BORCS5: variants seen among roughly 807,000 people sequenced by gnomAD.
The protein encoded by BORCS5 is BLOC-1-related complex subunit 5.
BORCS5 carries 17 observed loss-of-function variants against 22.1 expected under a neutral mutation model. The ratio of observed to expected loss-of-function variants is 0.77; its 90% CI spans 0.53 to 1.15. The LOEUF (loss-of-function observed/expected upper bound fraction) is 1.15. BORCS5 is among the 50% of genes most tolerant of loss of function. The pLI is 0.00. For missense variants in BORCS5, 247 were observed against 253.2 expected (o/e 0.98, Z 0.17); for synonymous variants, 117 against 99.8 (o/e 1.17, Z -1.03).
intron 2 of BORCS5, among the ~76,000 whole-genome samples, chr12:12,398,558 C>T (rs1941401411): frequency 6.6e-6 from 1 of 152,132 alleles, no homozygotes; most frequent in Admixed American, 6.5e-5. Context: ...GTTGTGTAAC[C>T]ATCTTGACTC....
intron 2 of BORCS5, among the ~76,000 whole-genome samples, chr12:12,410,385 TC>T (rs1309496151): frequency 6.6e-6 from 1 of 151,488 alleles, no homozygotes; most frequent in Non-Finnish European, 1.5e-5. Flanking sequence ...CTTTAATCCA[TC>T]TTGAATTAGT....
intron 2 of BORCS5, among the ~76,000 whole-genome samples, chr12:12,422,240 G>GT (rs978082075): frequency 6.6e-6 from 1 of 151,852 alleles, no homozygotes; most frequent in African/African-American, 2.4e-5. Flanking sequence ...TCCTAACGTG[G>GT]TAACACAATA....
intron 2 of BORCS5, among the ~76,000 whole-genome samples, chr12:12,379,546 G>C (rs1411897488): frequency 6.6e-6 from 1 of 151,398 alleles, no homozygotes; most frequent in Non-Finnish European, 1.5e-5. Context: ...TGAGAGGTCG[G>C]ATGTCAACAG....
At chr12:12,424,866 G>T (rs1942238966) in intron 2 of BORCS5, among the ~76,000 whole-genome samples, 1 of 152,044 alleles carries the variant, frequency 6.6e-6, no homozygotes, top group African/African-American at 2.4e-5. Flanking sequence ...TGAATATCCT[G>T]GTCTTTAATG....
chr12:12,451,735 TAAAAGTAC>T (rs1942912753), intron 3 of BORCS5, among the ~76,000 whole-genome samples: 1 of 95,078 alleles, frequency 1.1e-5, no homozygotes, highest in African/African-American at 6.0e-5. Context: ...CTAAAAATAC[TAAAAGTAC>T]TTTTTTTGTA....
chr12:12,391,326 T>G (rs1941177518), intron 2 of BORCS5, among the ~76,000 whole-genome samples: 1 of 151,950 alleles, frequency 6.6e-6, no homozygotes, highest in African/African-American at 2.4e-5. Flanking sequence ...TCAATCACAT[T>G]GGTAGGTGGT....
intron 2 of BORCS5, among the ~76,000 whole-genome samples, chr12:12,398,238 A>G (rs1941395082): frequency 6.6e-6 from 1 of 152,204 alleles, no homozygotes. Flanking sequence ...ACATCACTAA[A>G]TAAGAATGAG....
chr12:12,463,039 A>G (rs888420916), intron 3 of BORCS5, among the ~76,000 whole-genome samples: 1 of 152,198 alleles, frequency 6.6e-6, no homozygotes, highest in African/African-American at 2.4e-5. Context: ...CAATTAGTAT[A>G]TATGTTATCT....
rs1863164987 is a variant in BORCS5 at position 12,357,384 on chromosome 12, C to T, written c.-68C>T. The T allele has an allele frequency of 2.5e-6, 4 of 1,571,468 alleles. No homozygotes were observed. Among genetic ancestry groups the T allele is most frequent in the African/African-American group, 1.4e-5 (1 of 74,028 alleles). Reference sequence around the variant, plus strand: ...CCCGTCCCGGTCCCTGGCCCCTGCCCTGTCGCCCGCCGCCGGAGCGGTGAC... The same window carrying T: ...CCCGTCCCGGTCCCTGGCCCCTGCCTTGTCGCCCGCCGCCGGAGCGGTGAC... On this transcript the variant is annotated 5_prime_UTR_variant, in exon 1 of 4. Coordinates refer to ENST00000314565, the MANE Select transcript of BORCS5 (RefSeq NM_058169.6).
chr12:12,441,722 T>A (rs375052551), intron 3 of BORCS5, among the ~76,000 whole-genome samples: 1,897 of 30,930 alleles, frequency 0.061, 15 homozygotes, highest in Non-Finnish European at 0.1. Context: ...AAAAAAAAAT[T>A]TTTTTTTTTT....
chr12:12,469,216 C>T lies in BORCS5; in HGVS notation c.*3440C>T, dbSNP rs1318543254. On this transcript the variant is annotated 3_prime_UTR_variant, in exon 4 of 4. Transcript: ENST00000314565. ...AAAAAAAATACAGAAATTACCCGGGCATGGTGGCTGGTGCCTGTAATCCCC... is the reference window on the plus strand; with the variant it reads ...AAAAAAAATACAGAAATTACCCGGGTATGGTGGCTGGTGCCTGTAATCCCC... 6.6e-6 allele frequency: 1 copy of T among 152,196 alleles called. No individual in the cohort carries two copies. The highest frequency in any genetic ancestry group is 1.9e-4 in the East Asian group (1 of 5,180). 9.4% of individuals were successfully genotyped at this position (152,196 alleles called of 1,614,324 possible).
chr12:12,365,480 C>A (rs551310256), intron 2 of BORCS5, among the ~76,000 whole-genome samples: 1 of 151,908 alleles, frequency 6.6e-6, no homozygotes, highest in African/African-American at 2.4e-5. Context: ...ATGCCCGGCC[C>A]GAGTTTCAAA....
chr12:12,389,135 CTTTTTTT>C (rs10630444), intron 2 of BORCS5, among the ~76,000 whole-genome samples: 2 of 117,878 alleles, frequency 1.7e-5, no homozygotes, highest in Admixed American at 9.2e-5. Context: ...CAAGTAAGTA[CTTTTTTT>C]TTTTTTTTTT....
In BORCS5 at chr12:12,467,204, C is replaced by G. The variant is rs1943218137; in HGVS notation, c.*1428C>G. On this transcript the variant is annotated 3_prime_UTR_variant, in exon 4 of 4. Coordinates refer to ENST00000314565, the MANE Select transcript of BORCS5 (RefSeq NM_058169.6). The stretch of plus-strand genomic sequence containing the variant: ...AAAAAGTGGTATATTTAAGACATCA[C>G]CATCATTGTCTTTCTTCTGGAGTAT... 6.6e-6 allele frequency: 1 copy of G among 152,226 alleles called. No individual in the cohort carries two copies. The highest frequency in any genetic ancestry group is 2.4e-5 in the African/African-American group (1 of 41,446). The allele number at this position is 152,226 out of a possible 1,614,324, so 9.4% of individuals were successfully genotyped here. A position where few individuals can be genotyped will look rare whatever the true frequency, so the allele number is the denominator to read the frequency against.
intron 2 of BORCS5, among the ~76,000 whole-genome samples, chr12:12,427,295 C>T (rs1318529892): frequency 2.0e-5 from 3 of 151,380 alleles, no homozygotes; most frequent in African/African-American, 4.9e-5. Flanking sequence ...TTTCTTCTGC[C>T]TCAGCCTCCC....
At position 12,467,144 on chromosome 12, in the gene BORCS5, C is replaced by T. The variant is rs1382354652; in HGVS notation, c.*1368C>T. ...CATTTTCAAATTCAAAAGAATAATA[C>T]AATGAATATTCATATTTCTTTCACC... is the stretch of plus-strand genomic sequence containing the variant. On this transcript the variant is annotated 3_prime_UTR_variant, in exon 4 of 4. Transcript: ENST00000314565. The T allele has an allele frequency of 1.3e-5, 2 of 152,110 alleles. No individual in the cohort carries two copies. The highest frequency in any genetic ancestry group is 2.9e-5 in the Non-Finnish European group (2 of 68,022). 9.4% of individuals were successfully genotyped at this position (152,110 alleles called of 1,614,324 possible).
chr12:12,386,354 T>C (rs1338977764), intron 2 of BORCS5, among the ~76,000 whole-genome samples: 2 of 151,142 alleles, frequency 1.3e-5, no homozygotes, highest in East Asian at 3.8e-4. Flanking sequence ...GTTGTCTTGC[T>C]GTTTTATATA....
chr12:12,388,802 A>G (rs1213489325), intron 2 of BORCS5, among the ~76,000 whole-genome samples: 1 of 151,198 alleles, frequency 6.6e-6, no homozygotes, highest in Non-Finnish European at 1.5e-5. Flanking sequence ...AGAGATTGAA[A>G]CAGAACATCA....
chr12:12,406,440 C>T (rs1390687540), intron 2 of BORCS5, among the ~76,000 whole-genome samples: 1 of 152,312 alleles, frequency 6.6e-6, no homozygotes, highest in East Asian at 1.9e-4. Context: ...GTAAACAATC[C>T]TGTTTCCCAT....
Sources: allele counts gnomAD v4.1 joint callset (sites outside exome capture counted in the v4.1 genomes callset), GRCh38; gene constraint gnomAD v4.1.1; transcripts MANE v1.5; gene names NCBI Gene and HGNC (gene_info 2026-07-23, HGNC 2026-07-21).